The following SLC25A21 variants were observed in gnomAD, a reference collection of about 807,000 sequenced individuals.
SLC25A21 encodes the protein mitochondrial 2-oxodicarboxylate carrier.
SLC25A21 carries 47 observed loss-of-function variants against 43.8 expected under a neutral mutation model. That is an observed-to-expected ratio of 1.07 (90% CI 0.85 to 1.37). SLC25A21 has a LOEUF of 1.37. SLC25A21 is among the 40% of genes most tolerant of loss of function. The pLI is 0.00. For missense variants in SLC25A21, 352 were observed against 350.2 expected, an observed-to-expected ratio of 1.00 and a Z score of -0.04; for synonymous variants, 131 against 121.3, an observed-to-expected ratio of 1.08 and a Z score of -0.52.
intron 2 of SLC25A21, among the ~76,000 whole-genome samples, chr14:36,818,764 T>A (rs1436531644): frequency 6.6e-6 from 1 of 152,214 alleles, no homozygotes; most frequent in Non-Finnish European, 1.5e-5. Flanking sequence ...AAAACAGCAA[T>A]TTCCTTCTTC....
chr14:36,695,470 G>T (rs1049957101), intron 7 of SLC25A21, among the ~76,000 whole-genome samples: 7 of 152,124 alleles, frequency 4.6e-5, no homozygotes, highest in Non-Finnish European at 2.9e-5. Flanking sequence ...AGCTTGATGG[G>T]GATGGCATTG....
intron 1 of SLC25A21, among the ~76,000 whole-genome samples, chr14:37,005,066 C>T (rs962651422): frequency 7.2e-5 from 11 of 151,776 alleles, no homozygotes; most frequent in African/African-American, 2.2e-4. Context: ...TTCCGGTGAT[C>T]TGTACTCACC....
chr14:36,917,764 C>A (rs1282916820), intron 1 of SLC25A21, among the ~76,000 whole-genome samples: 1 of 151,984 alleles, frequency 6.6e-6, no homozygotes, highest in Non-Finnish European at 1.5e-5. Context: ...AATGATAATG[C>A]AAATCATACA....
In SLC25A21 at chr14:37,160,634, T is replaced by G. The variant is rs576606348; in HGVS notation, c.70+11647A>C. ...AGAGTACAAACATACAGTGAGATAG[T>G]AGAAATAAATTCAGGCCAGGTGCGG... On this transcript the variant is annotated intron_variant, in intron 1 of 9. Coordinates refer to ENST00000331299, the MANE Select transcript of SLC25A21 (RefSeq NM_030631.4). 5.9e-4 allele frequency among the ~76,000 whole-genome samples: 89 copies of G among 152,040 alleles called. No homozygotes were observed. The South Asian group carries it at 1.0e-2, about 17-fold the overall frequency.
chr14:36,984,150 CAAT>C (rs1369519639), intron 1 of SLC25A21, among the ~76,000 whole-genome samples: 1 of 152,080 alleles, frequency 6.6e-6, no homozygotes. Context: ...AAAATAACAA[CAAT>C]AACAGTAACA....
intron 3 of SLC25A21, among the ~76,000 whole-genome samples, chr14:36,747,468 T>C (rs1885544217): frequency 6.6e-6 from 1 of 152,212 alleles, no homozygotes; most frequent in Admixed American, 6.5e-5. Flanking sequence ...AGTTGCCTGA[T>C]TTAACAGCTT....
chr14:36,848,475 C>T (rs551056973), intron 2 of SLC25A21, among the ~76,000 whole-genome samples: 1 of 152,292 alleles, frequency 6.6e-6, no homozygotes, highest in Non-Finnish European at 1.5e-5. Context: ...CAGCACTCTG[C>T]AACAGGGACT....
intron 6 of SLC25A21, among the ~76,000 whole-genome samples, chr14:36,718,523 C>T (rs546043847): frequency 6.7e-6 from 1 of 150,236 alleles, no homozygotes; most frequent in Non-Finnish European, 1.5e-5. Context: ...CTCTCTCTCT[C>T]AAAAGAGATG....
At chr14:37,123,898 T>C (rs1249354763) in intron 1 of SLC25A21, among the ~76,000 whole-genome samples, 1 of 152,156 alleles carries the variant, frequency 6.6e-6, no homozygotes, top group Non-Finnish European at 1.5e-5. Context: ...TAAGGAAATA[T>C]ATCAACATAA....
At chr14:37,072,748 A>G (rs1451525257) in intron 1 of SLC25A21, among the ~76,000 whole-genome samples, 1 of 152,206 alleles carries the variant, frequency 6.6e-6, no homozygotes, top group East Asian at 1.9e-4. Context: ...CTCAAAAATA[A>G]AAACAAAAAA....
intron 2 of SLC25A21, among the ~76,000 whole-genome samples, chr14:36,824,506 A>C (rs1362102305): frequency 6.6e-6 from 1 of 152,138 alleles, no homozygotes; most frequent in Non-Finnish European, 1.5e-5. Context: ...ATCACTTTCA[A>C]TGTTGAGAGC....
intron 1 of SLC25A21, among the ~76,000 whole-genome samples, chr14:37,124,620 C>T (rs1184684745): frequency 6.6e-6 from 1 of 152,162 alleles, no homozygotes. Context: ...CTCTTGGTTA[C>T]AGATATCACC....
intron 1 of SLC25A21, among the ~76,000 whole-genome samples, chr14:37,043,606 C>CT (rs1961520724): frequency 6.6e-6 from 1 of 152,194 alleles, no homozygotes. Context: ...GAAGCTTGCC[C>CT]TAGTCTCCAT....
Position 36,678,406 on chromosome 14 carries a change from A to AGAAG in SLC25A21, c.*2248_*2251dup. The stretch of plus-strand genomic sequence containing the variant: ...TTATAACTTCAGGAGAAGAATAAGC[A>AGAAG]GAAGGAGCAGATGAACTCTCAGGGC... On this transcript the variant is annotated 3_prime_UTR_variant, in exon 10 of 10. Transcript: ENST00000331299. 1 of 1,174,798 alleles carries AGAAG rather than the reference A, an allele frequency of 8.5e-7. No individual in the cohort carries two copies. The allele number at this position is 1,174,798 out of a possible 1,614,324, so 72.8% of individuals were successfully genotyped here.
chr14:36,681,540 C>T (rs1180384017), intron 9 of SLC25A21, among the ~76,000 whole-genome samples: 6 of 152,186 alleles, frequency 3.9e-5, no homozygotes, highest in Non-Finnish European at 5.9e-5. Flanking sequence ...TAGCATGTGT[C>T]CTGTGCCCTT....
chr14:36,817,683 G>A (rs1233639915), intron 2 of SLC25A21, among the ~76,000 whole-genome samples: 1 of 152,148 alleles, frequency 6.6e-6, no homozygotes, highest in Non-Finnish European at 1.5e-5. Flanking sequence ...GCATGGCCCT[G>A]GTTCCAGATG....
chr14:36,925,227 C>T (rs1476508546), intron 1 of SLC25A21, among the ~76,000 whole-genome samples: 2 of 152,048 alleles, frequency 1.3e-5, no homozygotes, highest in Non-Finnish European at 2.9e-5. Context: ...ATCCTTAACC[C>T]AAACATATCA....
chr14:37,141,483 T>G (rs967223529), intron 1 of SLC25A21, among the ~76,000 whole-genome samples: 1 of 152,162 alleles, frequency 6.6e-6, no homozygotes, highest in Admixed American at 6.5e-5. Flanking sequence ...TGTCTATGAT[T>G]ATTTCTTTCA....
rs1029145994 is a variant in SLC25A21 at position 36,735,529 on chromosome 14, A to AC, written c.204-957dup. The stretch of plus-strand genomic sequence containing the variant: ...CATGGGGCTGCAGCTTCTCTGATTC[A>AC]CCCCCCAAGCTTCACTCCAGCTCCC... On this transcript the variant is annotated intron_variant, in intron 3 of 9. Coordinates refer to ENST00000331299, the MANE Select transcript of SLC25A21 (RefSeq NM_030631.4). 1.5e-4 allele frequency among the ~76,000 whole-genome samples: 23 copies of AC among 151,986 alleles called. No homozygotes were observed. In the South Asian group the frequency reaches 3.5e-3, roughly 23 times the overall value.
Sources: gnomAD v4.1 joint callset for allele counts (sites outside exome capture counted in the v4.1 genomes callset) on GRCh38, gnomAD v4.1.1 for gene constraint, MANE v1.5 for transcripts, NCBI Gene and HGNC (gene_info 2026-07-23, HGNC 2026-07-21) for gene names.